Variants in ARL15 observed in about 807,000 individuals in gnomAD.
The protein encoded by ARL15 is ADP-ribosylation factor-like protein 15.
In ARL15, 19 loss-of-function variants were observed where a neutral mutation model predicts 25.2. The ratio of observed to expected loss-of-function variants is 0.75; its 90% confidence interval spans 0.53 to 1.10. The LOEUF is 1.10. ARL15 is among the 50% of genes least tolerant of loss of function. The pLI is 0.00. For synonymous variants in ARL15, 94 were observed against 86.8 expected, an observed-to-expected ratio of 1.08 and a Z score of -0.46; for missense variants, 220 against 246.0, an observed-to-expected ratio of 0.89 and a Z score of 0.71.
At position 54,267,634 on chromosome 5, in the gene ARL15, C is replaced by CT. The variant is rs201448814; in HGVS notation, c.48+42797dup. Reference sequence around the variant, plus strand: ...TATCACAGAGATTTGAAAAACATTACTTTTTTTAAAAAAAAAAGAACAAGC... The same window carrying CT: ...TATCACAGAGATTTGAAAAACATTACTTTTTTTTAAAAAAAAAAGAACAAGC... On this transcript the variant is annotated intron_variant, in intron 1 of 4. Coordinates refer to ENST00000504924, the MANE Select transcript of ARL15 (RefSeq NM_019087.3). Among the ~76,000 whole-genome samples the CT allele has an allele frequency of 2.2e-4, 33 of 151,622 alleles. 1 individual carries two copies. The highest frequency in any genetic ancestry group is 3.4e-3 in the Middle Eastern group (1 of 294).
intron 1 of ARL15, among the ~76,000 whole-genome samples, chr5:54,202,787 G>C (rs937755554): frequency 6.6e-6 from 1 of 152,106 alleles, no homozygotes; most frequent in Non-Finnish European, 1.5e-5. Flanking sequence ...GGAGGGTGTT[G>C]TACTTTTGTT....
rs756204319 is a variant in ARL15, at chr5:54,113,421, C to G, written c.254-11G>C. On this transcript the variant is annotated splice_polypyrimidine_tract_variant and intron_variant, in intron 3 of 4. Transcript: ENST00000504924. ...GGATGTTATCAGCCCCTGTCAAAAACAAAACAAATTTTCGTTTTAAAAAGA... is the reference window on the plus strand; with the variant it reads ...GGATGTTATCAGCCCCTGTCAAAAAGAAAACAAATTTTCGTTTTAAAAAGA... 1 of 1,604,614 alleles carries G rather than the reference C, an allele frequency of 6.2e-7. No homozygotes were observed.
At chr5:54,305,431 G>C (rs1388723960) in intron 1 of ARL15, among the ~76,000 whole-genome samples, 1 of 151,944 alleles carries the variant, frequency 6.6e-6, no homozygotes, top group East Asian at 1.9e-4. Flanking sequence ...TTGCACTCCA[G>C]CCTGCATGAC....
intron 4 of ARL15, among the ~76,000 whole-genome samples, chr5:53,941,478 G>C (rs902409527): frequency 6.6e-6 from 1 of 152,210 alleles, no homozygotes; most frequent in African/African-American, 2.4e-5. Context: ...ATTGGGTTTA[G>C]ATCATTTTCT....
intron 1 of ARL15, among the ~76,000 whole-genome samples, chr5:54,211,447 G>C (rs1050158957): frequency 6.6e-6 from 1 of 151,062 alleles, no homozygotes; most frequent in African/African-American, 2.4e-5. Flanking sequence ...ATTAGTTTTA[G>C]GCAGCGCTTA....
At chr5:53,949,532 A>G (rs921927664) in intron 4 of ARL15, among the ~76,000 whole-genome samples, 1 of 152,192 alleles carries the variant, frequency 6.6e-6, no homozygotes, top group African/African-American at 2.4e-5. Flanking sequence ...GATGACATGG[A>G]AGACAGCATG....
At chr5:54,171,704 G>C in intron 2 of ARL15, 80 bp downstream of exon 2, 1 of 1,444,700 alleles carries the variant, frequency 6.9e-7, no homozygotes, top group Non-Finnish European at 9.3e-7. Flanking sequence ...TAAGTAGAAG[G>C]GAGGGGATAA....
chr5:53,997,921 G>A (rs1057294735), intron 4 of ARL15, among the ~76,000 whole-genome samples: 1 of 151,696 alleles, frequency 6.6e-6, no homozygotes, highest in South Asian at 2.1e-4. Context: ...ATTAGCAAAG[G>A]GTCTTTAAAA....
At chr5:54,060,727 G>A (rs990757648) in intron 4 of ARL15, among the ~76,000 whole-genome samples, 4 of 152,186 alleles carry the variant, frequency 2.6e-5, no homozygotes, top group African/African-American at 7.2e-5. Flanking sequence ...AAATGTGGAA[G>A]GTGACTCTTG....
At chr5:54,109,370 A>C (rs1200696099) in intron 4 of ARL15, among the ~76,000 whole-genome samples, 1 of 152,050 alleles carries the variant, frequency 6.6e-6, no homozygotes, top group Non-Finnish European at 1.5e-5. Context: ...GGATATAGAC[A>C]AACATCAAAT....
At chr5:53,914,137 C>CCACACA (rs3842045) in intron 4 of ARL15, among the ~76,000 whole-genome samples, 3,030 of 148,610 alleles carry the variant, frequency 0.02, 40 homozygotes, top group South Asian at 0.036. Flanking sequence ...GTGCACAGGC[C>CCACACA]CACACACACA....
intron 4 of ARL15, among the ~76,000 whole-genome samples, chr5:54,020,337 C>T (rs901324239): frequency 3.3e-5 from 5 of 152,118 alleles, no homozygotes; most frequent in Non-Finnish European, 5.9e-5. Context: ...TCAGTAGAGA[C>T]TGTACTCAGA....
At chr5:54,219,822 T>C (rs1756319753) in intron 1 of ARL15, among the ~76,000 whole-genome samples, 1 of 152,238 alleles carries the variant, frequency 6.6e-6, no homozygotes, top group Non-Finnish European at 1.5e-5. Context: ...TTCCTGATAC[T>C]AACTGTTCTT....
intron 1 of ARL15, among the ~76,000 whole-genome samples, chr5:54,228,568 T>C (rs932590836): frequency 1.5e-5 from 2 of 131,622 alleles, no homozygotes; most frequent in South Asian, 5.1e-4. Flanking sequence ...ACCTCCCCCA[T>C]TACTGTTTCT....
At chr5:53,949,676 C>T (rs1010769530) in intron 4 of ARL15, among the ~76,000 whole-genome samples, 2 of 152,192 alleles carry the variant, frequency 1.3e-5, no homozygotes, top group Non-Finnish European at 2.9e-5. Flanking sequence ...TCCAAAAATA[C>T]TGTGGCATGC....
At chr5:54,097,040 A>T (rs1752309768) in intron 4 of ARL15, among the ~76,000 whole-genome samples, 1 of 152,180 alleles carries the variant, frequency 6.6e-6, no homozygotes, top group South Asian at 2.1e-4. Flanking sequence ...TATAGCTCTA[A>T]GGCAACAACT....
chr5:54,103,774 A>G (rs977202423), intron 4 of ARL15, among the ~76,000 whole-genome samples: 2 of 152,338 alleles, frequency 1.3e-5, no homozygotes, highest in East Asian at 1.9e-4. Flanking sequence ...AGAGTATTCT[A>G]TTCATTGCAA....
intron 1 of ARL15, among the ~76,000 whole-genome samples, chr5:54,296,118 A>C (rs570042050): frequency 1.3e-5 from 2 of 152,320 alleles, no homozygotes; most frequent in South Asian, 4.1e-4. Context: ...AATAGCTGCC[A>C]CTTAAAACAC....
At chr5:54,203,945 T>C (rs1182180588) in intron 1 of ARL15, among the ~76,000 whole-genome samples, 1 of 152,136 alleles carries the variant, frequency 6.6e-6, no homozygotes, top group Non-Finnish European at 1.5e-5. Flanking sequence ...TAATAGTCCC[T>C]GAGGGTTGTT....
Sources: allele counts gnomAD v4.1 joint callset (sites outside exome capture counted in the v4.1 genomes callset), GRCh38; gene constraint gnomAD v4.1.1; transcripts MANE v1.5; gene names NCBI Gene and HGNC (gene_info 2026-07-23, HGNC 2026-07-21).